The following NIPAL3 variants were observed in gnomAD, a reference collection of about 807,000 sequenced individuals.
NIPAL3 encodes NIPA like domain containing 3.
NIPAL3 carries 41 observed loss-of-function variants against 47.2 expected under a neutral mutation model. The observed-to-expected ratio is 0.87, with a 90% CI of 0.68 to 1.13. The LOEUF is 1.13. Among genes scored for constraint, NIPAL3 ranks in the 50% most tolerant of loss-of-function variants. The probability of loss-of-function intolerance (pLI) is 0.00; values close to 1 mark genes in which losing one functional copy is unlikely to be tolerated. For synonymous variants in NIPAL3, 194 were observed against 209.6 expected (o/e 0.93, Z 0.64); for missense variants, 449 against 530.1 (o/e 0.85, Z 1.50).
chr1:24,423,625 G>A (rs983057707), intron 2 of NIPAL3, among the ~76,000 whole-genome samples: 1 of 152,064 alleles, frequency 6.6e-6, no homozygotes, highest in Non-Finnish European at 1.5e-5. Flanking sequence ...TCGAGACTCC[G>A]CCTCACACAC....
chr1:24,442,545 G>T (rs1351382532), intron 4 of NIPAL3, among the ~76,000 whole-genome samples: 12 of 152,216 alleles, frequency 7.9e-5, no homozygotes, highest in Admixed American at 7.9e-4. Flanking sequence ...GAACTGGGCT[G>T]TCTGGCTCCA....
intron 7 of NIPAL3, among the ~76,000 whole-genome samples, chr1:24,455,382 C>T (rs1236511905): frequency 6.6e-6 from 1 of 152,192 alleles, no homozygotes; most frequent in East Asian, 1.9e-4. Context: ...AAATTATATT[C>T]CTGTACAAAT....
rs1183091635 is a variant in NIPAL3, at chr1:24,442,340, A to G, written c.334+114A>G. On this transcript the variant is annotated intron_variant, in intron 4 of 11. Coordinates refer to ENST00000374399, the MANE Select transcript of NIPAL3 (RefSeq NM_020448.5). ...CAAACCAGCTTTAGCTTGGATAATAATAGCCTAATACAAAGGGCTTCAGAC... is the reference window on the plus strand; with the variant it reads ...CAAACCAGCTTTAGCTTGGATAATAGTAGCCTAATACAAAGGGCTTCAGAC... 8 of 1,158,502 alleles carry G rather than the reference A, an allele frequency of 6.9e-6. 1 individual carries two copies. Among genetic ancestry groups the G allele is most frequent in the African/African-American group, 1.5e-5 (1 of 65,318 alleles). The allele number at this position is 1,158,502 out of a possible 1,614,324, so 71.8% of individuals were successfully genotyped here.
At chr1:24,415,715 A>G, upstream of NIPAL3, 1 of 410,628 alleles carries the variant, frequency 2.4e-6, no homozygotes, top group Non-Finnish European at 3.3e-6. Flanking sequence ...CCTGCGCGAA[A>G]TGCCTGCCAA....
At chr1:24,458,615 CGTGCAGCCAAAG>C in intron 8 of NIPAL3, among the ~76,000 whole-genome samples, 1 of 151,862 alleles carries the variant, frequency 6.6e-6, no homozygotes, top group East Asian at 1.9e-4. Flanking sequence ...TGACAGGAGC[CGTGCAGCCAAAG>C]GTGTGAGACC....
At chr1:24,434,491 C>A (rs1409261529) in intron 2 of NIPAL3, among the ~76,000 whole-genome samples, 2 of 152,102 alleles carry the variant, frequency 1.3e-5, no homozygotes, top group Non-Finnish European at 2.9e-5. Context: ...TAGCCAAAGA[C>A]TTGAATAGCG....
chr1:24,428,285 A>AGAGAGAGAGG (rs1644711419), intron 2 of NIPAL3, among the ~76,000 whole-genome samples: 1 of 151,642 alleles, frequency 6.6e-6, no homozygotes, highest in South Asian at 2.1e-4. Context: ...AGAGAGAGAG[A>AGAGAGAGAGG]GAGAGAGAGA....
Position 24,416,360 on chromosome 1 carries a change from G to A in NIPAL3, c.-258+456G>A, listed in dbSNP as rs1644032336. On this transcript the variant is annotated intron_variant, in intron 1 of 11. Coordinates refer to ENST00000374399, the MANE Select transcript of NIPAL3 (RefSeq NM_020448.5). The surrounding 1 kb of genome is among the most constrained non-coding windows in gnomAD (Gnocchi z 4.8). ...TGTAACCTTCTCGTGAGCCAAAGCC[G>A]AGGAACGGGAAGCTTGGCAGGGAAC... The A allele has an allele frequency of 1.0e-6, 1 of 983,330 alleles. No individual in the cohort carries two copies. Among genetic ancestry groups the A allele is most frequent in the African/African-American group, 1.7e-5 (1 of 57,190 alleles). The allele number at this position is 983,330 out of a possible 1,614,324, so 60.9% of individuals were successfully genotyped here.
At chr1:24,436,034 T>C (rs1224998277) in intron 2 of NIPAL3, among the ~76,000 whole-genome samples, 1 of 152,164 alleles carries the variant, frequency 6.6e-6, no homozygotes, top group East Asian at 1.9e-4. Flanking sequence ...GCCTCTTTTA[T>C]AAGAACACTA....
chr1:24,466,154 A>G (rs1317313709), intron 11 of NIPAL3: 2 of 1,505,676 alleles, frequency 1.3e-6, no homozygotes, highest in Non-Finnish European at 1.8e-6. Context: ...ACCTCCAGGA[A>G]CTAGCCTGGC....
rs1645417790 is a variant in NIPAL3, at chr1:24,442,093, C to G, written c.201C>G (p.Pro67=). Residue 67 remains proline (P), a synonymous_variant, in exon 4 of 12, where the codon CCC becomes CCG. Transcript: ENST00000374399. ...CHIRLAGSKD[P]RAYFKTKTWW... is the part of the protein sequence containing the mutation. ...TCCGCCTGGCAGGCTCCAAGGATCCCCGGGCCTATTTCAAGACCAAGACAT... is the reference window on the plus strand; with the variant it reads ...TCCGCCTGGCAGGCTCCAAGGATCCGCGGGCCTATTTCAAGACCAAGACAT... 11 of 1,614,026 alleles carry G rather than the reference C, an allele frequency of 6.8e-6. No individual in the cohort carries two copies. Among genetic ancestry groups the G allele is most frequent in the East Asian group, 2.2e-5 (1 of 44,896 alleles).
rs560263309 is a variant in NIPAL3, at chr1:24,418,698, A to T, written c.-257-593A>T. On this transcript the variant is annotated intron_variant, in intron 1 of 11. Coordinates refer to ENST00000374399, the MANE Select transcript of NIPAL3 (RefSeq NM_020448.5). Reference sequence around the variant, plus strand: ...CATTGCTGGGTTTATTTGAGGCCACATTATTACCCCCACTTTACAGAGGAG... The same window carrying T: ...CATTGCTGGGTTTATTTGAGGCCACTTTATTACCCCCACTTTACAGAGGAG... 4.5e-4 allele frequency among the ~76,000 whole-genome samples: 69 copies of T among 152,250 alleles called. 1 individual carries two copies. Among genetic ancestry groups the T allele is most frequent in the Admixed American group, 3.1e-3 (48 of 15,294 alleles).
chr1:24,449,365 A>G lies in NIPAL3; in HGVS notation c.395-116A>G. 9.4e-7 allele frequency: 1 copy of G among 1,063,744 alleles called. No homozygotes were observed. The highest frequency in any genetic ancestry group is 1.3e-6 in the Non-Finnish European group (1 of 775,562). 65.9% of individuals were successfully genotyped at this position (1,063,744 alleles called of 1,614,324 possible). Reference sequence around the variant, plus strand: ...AAGTAAAGAAAAACCAAAAATACAAACAATACCAGGTCATGGTATGTTGCA... The same window carrying G: ...AAGTAAAGAAAAACCAAAAATACAAGCAATACCAGGTCATGGTATGTTGCA... On this transcript the variant is annotated intron_variant, in intron 5 of 11. Transcript: ENST00000374399. This position sits in a 1 kb window ranked among gnomAD's most constrained non-coding sequence, Gnocchi z 4.5.
chr1:24,434,946 C>T (rs1044036340), intron 2 of NIPAL3, among the ~76,000 whole-genome samples: 6 of 152,028 alleles, frequency 3.9e-5, no homozygotes, highest in Admixed American at 2.6e-4. Context: ...CCAAAATAGC[C>T]AAAACAATCT....
rs1439589126 is a variant in NIPAL3, at chr1:24,470,800, CGTCTTAACCACTTCTGTATTGTGTG to C, written c.*1624_*1648del. 1.3e-5 allele frequency: 2 copies of C among 152,228 alleles called. No individual in the cohort carries two copies. Among genetic ancestry groups the C allele is most frequent in the Non-Finnish European group, 2.9e-5 (2 of 68,040 alleles). 9.4% of individuals were successfully genotyped at this position (152,228 alleles called of 1,614,324 possible). The stretch of plus-strand genomic sequence containing the variant: ...GTCTGTGATAACCACTTCTGTATTG[CGTCTTAACCACTTCTGTATTGTGTG>C]GTCTTAACTGCCTAAGGCGGCAATG... On this transcript the variant is annotated 3_prime_UTR_variant, in exon 12 of 12. Transcript: ENST00000374399.
At chr1:24,466,145 C>G in intron 11 of NIPAL3, 1 of 1,544,062 alleles carries the variant, frequency 6.5e-7, no homozygotes, top group Non-Finnish European at 8.8e-7. Flanking sequence ...CAGCCCCTGA[C>G]CTCCAGGAAC....
chr1:24,434,624 G>T (rs762141641), intron 2 of NIPAL3, among the ~76,000 whole-genome samples: 1 of 152,110 alleles, frequency 6.6e-6, no homozygotes, highest in Non-Finnish European at 1.5e-5. Context: ...CTCAACAAAA[G>T]CAAAATACAA....
At chr1:24,465,107 T>A (rs1202483098) in intron 11 of NIPAL3, 1 of 152,196 alleles carries the variant, frequency 6.6e-6, no homozygotes, top group East Asian at 1.9e-4. Context: ...AATGTCAATG[T>A]GCTCCTTCAA....
At chr1:24,459,688 G>A (rs752543005) in intron 9 of NIPAL3, among the ~76,000 whole-genome samples, 6 of 152,224 alleles carry the variant, frequency 3.9e-5, no homozygotes, top group African/African-American at 1.2e-4. Context: ...CACACGAGGC[G>A]CACAGCTTCC....
Sources: gnomAD v4.1 joint callset for allele counts (sites outside exome capture counted in the v4.1 genomes callset) on GRCh38, gnomAD v4.1.1 for gene constraint, Gnocchi (gnomAD v3.1) non-coding constraint, MANE v1.5 for transcripts, NCBI Gene and HGNC (gene_info 2026-07-23, HGNC 2026-07-21) for gene names.